The following PROS1 variants were observed in gnomAD, a reference collection of about 807,000 sequenced individuals.
PROS1 encodes protein S.
PROS1 carries 29 observed loss-of-function variants against 75.9 expected under a neutral mutation model. The observed-to-expected ratio is 0.38, with a 90% CI of 0.28 to 0.52. PROS1 has a LOEUF of 0.52. Among genes scored for constraint, PROS1 ranks in the 20% least tolerant of loss-of-function variants. The pLI, the probability that PROS1 is intolerant of heterozygous loss-of-function variation, is 0.83. For synonymous variants in PROS1, 245 were observed against 280.6 expected, an observed-to-expected ratio of 0.87 and a Z score of 1.27; for missense variants, 680 against 810.3, an observed-to-expected ratio of 0.84 and a Z score of 1.95.
intron 1 of PROS1, chr3:93,928,680 C>G (rs1237907129): frequency 9.5e-7 from 1 of 1,048,468 alleles, no homozygotes; most frequent in Non-Finnish European, 1.3e-6. Context: ...TATCAAGCAA[C>G]AGACTGGAGG....
chr3:93,940,456 G>A (rs896824325), intron 1 of PROS1, among the ~76,000 whole-genome samples: 6 of 152,068 alleles, frequency 3.9e-5, no homozygotes, highest in African/African-American at 1.5e-4. Context: ...ACTGTTGTGG[G>A]TACTGACGTC....
rs199469495 is a variant in PROS1 at position 93,886,430 on chromosome 3, G to T, written c.1229C>A (p.Pro410His). 1.3e-5 allele frequency: 21 copies of T among 1,613,194 alleles called. No individual in the cohort carries two copies. The East Asian group carries it at 4.2e-4, about 33-fold the overall frequency. The change falls in exon 11 of 15, where the codon CCT becomes CAT. Residue 410 changes from proline to histidine, a missense_variant. By Grantham distance (77) the Pro-to-His change is moderately conservative. Coordinates refer to ENST00000394236, the MANE Select transcript of PROS1 (RefSeq NM_000313.4). ...AKEAVMDINK[P>H]GPLFKPENGL... Reference sequence around the variant, plus strand: ...ATTTTCCGGCTTAAAAAGGGGTCCAGGTTTATTTATATCCATCACAGCTTC... The same window carrying T: ...ATTTTCCGGCTTAAAAAGGGGTCCATGTTTATTTATATCCATCACAGCTTC...
At chr3:93,927,481 A>C (rs1709037396) in intron 1 of PROS1, 74 bp from the exon 2 acceptor site, 2 of 1,453,320 alleles carry the variant, frequency 1.4e-6, no homozygotes, top group Middle Eastern at 2.1e-4. Context: ...AAACAATAAG[A>C]GTTAAAATCA....
At chr3:93,942,502 T>C (rs1482545714) in intron 1 of PROS1, among the ~76,000 whole-genome samples, 1 of 152,170 alleles carries the variant, frequency 6.6e-6, no homozygotes, top group African/African-American at 2.4e-5. Flanking sequence ...GTGCTTAGGC[T>C]GATAAGGTAG....
At chr3:93,925,994 C>T (rs1467463364) in intron 2 of PROS1, among the ~76,000 whole-genome samples, 1 of 152,032 alleles carries the variant, frequency 6.6e-6, no homozygotes, top group Non-Finnish European at 1.5e-5. Flanking sequence ...ACATCAAGGT[C>T]TTCTCCCTCA....
intron 1 of PROS1, among the ~76,000 whole-genome samples, chr3:93,929,464 G>C (rs1709073170): frequency 6.6e-6 from 1 of 151,820 alleles, no homozygotes; most frequent in South Asian, 2.1e-4. Flanking sequence ...GTGGGTGACA[G>C]AGCAAGACCC....
chr3:93,948,249 A>T (rs1228147085), intron 1 of PROS1, among the ~76,000 whole-genome samples: 1 of 152,196 alleles, frequency 6.6e-6, no homozygotes, highest in Admixed American at 6.5e-5. Context: ...CTAATATCCT[A>T]AACAAATTTG....
rs185312220 is a variant in PROS1, at chr3:93,950,451, C to T, written c.77-23044G>A. The stretch of plus-strand genomic sequence containing the variant: ...ATCTCCCAGTAGTGGCCGACTGACA[C>T]CTCATACAGCCAGGTGTCCCTCTGA... On this transcript the variant is annotated intron_variant, in intron 1 of 14. Transcript: ENST00000394236. 2.6e-5 allele frequency among the ~76,000 whole-genome samples: 4 copies of T among 152,292 alleles called. No homozygotes were observed. The East Asian group carries it at 7.7e-4, about 29-fold the overall frequency.
intron 1 of PROS1, among the ~76,000 whole-genome samples, chr3:93,955,583 G>C (rs1416871265): frequency 6.6e-6 from 1 of 152,014 alleles, no homozygotes; most frequent in Non-Finnish European, 1.5e-5. Flanking sequence ...TCATGGGATG[G>C]GGGGAGGGGG....
intron 3 of PROS1, among the ~76,000 whole-genome samples, chr3:93,916,471 C>T (rs557110226): frequency 1.2e-4 from 18 of 152,240 alleles, no homozygotes; most frequent in Admixed American, 9.2e-4. Flanking sequence ...CATTAATATT[C>T]ATGATAATAA....
intron 14 of PROS1, among the ~76,000 whole-genome samples, chr3:93,876,263 C>G (rs1360253627): frequency 6.6e-6 from 1 of 152,092 alleles, no homozygotes; most frequent in Admixed American, 6.6e-5. Context: ...TTAAACAGTG[C>G]CCAGACTGTT....
At chr3:93,950,209 G>A (rs1709472320) in intron 1 of PROS1, among the ~76,000 whole-genome samples, 1 of 152,186 alleles carries the variant, frequency 6.6e-6, no homozygotes, top group Non-Finnish European at 1.5e-5. Flanking sequence ...TGGAGCCCAT[G>A]GCAGATCAAG....
At chr3:93,896,476 T>C (rs1708502346) in intron 9 of PROS1, 100 bp downstream of exon 9, 5 of 857,338 alleles carry the variant, frequency 5.8e-6, no homozygotes, top group Non-Finnish European at 8.1e-6. Flanking sequence ...CATTATCTGA[T>C]AGGTAATACA....
At chr3:93,878,094 A>C (rs1260466268) in intron 13 of PROS1, among the ~76,000 whole-genome samples, 1 of 152,232 alleles carries the variant, frequency 6.6e-6, no homozygotes, top group Admixed American at 6.5e-5. Flanking sequence ...ATGCAAAGAA[A>C]GAACCACGGA....
intron 1 of PROS1, among the ~76,000 whole-genome samples, chr3:93,972,574 C>A (rs1709895101): frequency 6.6e-6 from 1 of 151,972 alleles, no homozygotes; most frequent in Non-Finnish European, 1.5e-5. Context: ...TGCGGTGGCT[C>A]ACGCCTGTAA....
At chr3:93,921,834 G>T (rs1434303101) in intron 3 of PROS1, among the ~76,000 whole-genome samples, 1 of 152,038 alleles carries the variant, frequency 6.6e-6, no homozygotes, top group Non-Finnish European at 1.5e-5. Context: ...CCTTTTCAAA[G>T]AATGAGAATG....
At chr3:93,947,059 A>G (rs893512340) in intron 1 of PROS1, among the ~76,000 whole-genome samples, 4 of 152,232 alleles carry the variant, frequency 2.6e-5, no homozygotes, top group East Asian at 1.9e-4. Flanking sequence ...CAACAGACAC[A>G]TGACAAAATG....
chr3:93,905,793 C>G lies in PROS1; in HGVS notation c.592G>C (p.Asp198His). Residue 198 changes from aspartate to histidine, a missense_variant, in exon 6 of 15, where the codon GAT (aspartate) becomes CAT (histidine). By Grantham distance (81) the Asp-to-His change is moderately conservative (BLOSUM62 -1). Transcript: ENST00000394236. Reference sequence around the variant, plus strand: ...ACCATCCTGCTCTTACCTTTACAATCTTTCTTATTTGAAAGCATAACAAAA... The same window carrying G: ...ACCATCCTGCTCTTACCTTTACAATGTTTCTTATTTGAAAGCATAACAAAA... ...NGFVMLSNKK[D>H]CKDVDECSLK... 6.2e-7 allele frequency: 1 copy of G among 1,611,470 alleles called. No homozygotes were observed.
At chr3:93,909,814 G>GT (rs8178625) in intron 4 of PROS1, among the ~76,000 whole-genome samples, 12,543 of 151,650 alleles carry the variant, frequency 0.083, 635 homozygotes, top group Middle Eastern at 0.19. Flanking sequence ...TCATAGGATC[G>GT]TTTTTTTTGA....
Sources: gnomAD v4.1 joint callset for allele counts (sites outside exome capture counted in the v4.1 genomes callset) on GRCh38, gnomAD v4.1.1 for gene constraint, MANE v1.5 for transcripts, NCBI Gene and HGNC (gene_info 2026-07-23, HGNC 2026-07-21) for gene names.